RNLS: variants seen among roughly 807,000 people sequenced by gnomAD.
RNLS encodes the protein renalase.
In RNLS, 39 loss-of-function variants were observed where a neutral mutation model predicts 39.8. The ratio of observed to expected loss-of-function variants is 0.98; its 90% CI spans 0.76 to 1.28. The LOEUF (loss-of-function observed/expected upper bound fraction) is 1.28. Among genes scored for constraint, RNLS ranks in the 50% most tolerant of loss-of-function variants. RNLS has a pLI of 0.00. For missense variants in RNLS, 410 were observed against 413.3 expected (o/e 0.99, Z 0.07); for synonymous variants, 147 against 150.7 (o/e 0.98, Z 0.18).
chr10:88,558,763 G>A (rs1406282272), intron 4 of RNLS, among the ~76,000 whole-genome samples: 11 of 151,930 alleles, frequency 7.2e-5, no homozygotes, highest in Admixed American at 2.6e-4. Flanking sequence ...AGAGAATTAG[G>A]AAATAATAAA....
At chr10:88,529,870 C>G (rs999493577) in intron 4 of RNLS, among the ~76,000 whole-genome samples, 8 of 152,124 alleles carry the variant, frequency 5.3e-5, no homozygotes, top group Non-Finnish European at 1.2e-4. Context: ...AAATCACTTA[C>G]TTGTTTCTTC....
the RNLS span, among the ~76,000 whole-genome samples, chr10:88,199,396 G>T: frequency 2.6e-5 from 4 of 152,132 alleles, no homozygotes; most frequent in Non-Finnish European, 5.9e-5. Flanking sequence ...GTTGTTGGCC[G>T]TCTGTCCCAA....
intron 4 of RNLS, among the ~76,000 whole-genome samples, chr10:88,570,079 T>C (rs1483278142): frequency 6.6e-6 from 1 of 152,034 alleles, no homozygotes; most frequent in Non-Finnish European, 1.5e-5. Flanking sequence ...AGGAAAAATT[T>C]CCCAAATAAT....
chr10:88,272,636 G>C (rs1392443819), downstream of RNLS, among the ~76,000 whole-genome samples: 1 of 152,130 alleles, frequency 6.6e-6, no homozygotes, highest in Non-Finnish European at 1.5e-5. Context: ...TACAGCACAG[G>C]CTCTTGGTCA....
At chr10:88,380,679 C>T (rs775163639) in intron 4 of RNLS, among the ~76,000 whole-genome samples, 10 of 151,996 alleles carry the variant, frequency 6.6e-5, no homozygotes, top group African/African-American at 1.4e-4. Flanking sequence ...CCACTGTGCC[C>T]GGCCGGTTTT....
chr10:88,507,677 C>T (rs1484271618), intron 4 of RNLS, among the ~76,000 whole-genome samples: 5 of 152,080 alleles, frequency 3.3e-5, no homozygotes, highest in African/African-American at 4.8e-5. Flanking sequence ...AAAAGAGATA[C>T]AATACATTAT....
At chr10:88,250,814 C>T in the RNLS span, among the ~76,000 whole-genome samples, 1 of 152,184 alleles carries the variant, frequency 6.6e-6, no homozygotes, top group South Asian at 2.1e-4. Context: ...ACTTCAATAG[C>T]TTGAGATGTC....
chr10:88,311,573 G>A (rs1845385558), intron 6 of RNLS, among the ~76,000 whole-genome samples: 1 of 152,082 alleles, frequency 6.6e-6, no homozygotes, highest in Non-Finnish European at 1.5e-5. Context: ...TTCAAAAAAC[G>A]CCTTCTTTCT....
intron 4 of RNLS, among the ~76,000 whole-genome samples, chr10:88,393,728 T>C (rs911830273): frequency 2.0e-5 from 3 of 152,176 alleles, no homozygotes; most frequent in African/African-American, 7.2e-5. Flanking sequence ...AGAGCCTGCA[T>C]TGCCAAGTCA....
chr10:88,391,420 T>C (rs768313735), intron 4 of RNLS, among the ~76,000 whole-genome samples: 9 of 152,096 alleles, frequency 5.9e-5, no homozygotes, highest in Non-Finnish European at 8.8e-5. Context: ...TAGCCGGGCA[T>C]GGTGGTAGGC....
At chr10:88,387,520 A>G (rs1011592769) in intron 4 of RNLS, among the ~76,000 whole-genome samples, 9 of 151,838 alleles carry the variant, frequency 5.9e-5, no homozygotes, top group Admixed American at 4.6e-4. Flanking sequence ...AAAAAAAAAA[A>G]AAAAGGAAGA....
intron 5 of RNLS, among the ~76,000 whole-genome samples, chr10:88,353,553 T>G (rs1452730864): frequency 6.6e-6 from 1 of 152,260 alleles, no homozygotes; most frequent in Non-Finnish European, 1.5e-5. Context: ...AGTTCTTGTT[T>G]GATTGCACTG....
intron 4 of RNLS, among the ~76,000 whole-genome samples, chr10:88,537,822 A>T (rs918806813): frequency 2.0e-5 from 3 of 152,186 alleles, no homozygotes; most frequent in Non-Finnish European, 4.4e-5. Context: ...GTAAAAATTC[A>T]TCAAGATGTG....
In RNLS at chr10:88,537,551, A is replaced by C. The variant is rs112107857; in HGVS notation, c.526+35352T>G. Among the ~76,000 whole-genome samples, 689 of 152,338 alleles carry C rather than the reference A, an allele frequency of 4.5e-3. 4 individuals are homozygous for C. The highest frequency in any genetic ancestry group is 0.027 in the Middle Eastern group (8 of 294). On this transcript the variant is annotated intron_variant, in intron 4 of 6. Coordinates refer to ENST00000331772, the MANE Select transcript of RNLS (RefSeq NM_001031709.3). Reference sequence around the variant, plus strand: ...TGAACCATTTCTAACTACGTGTAACATTAAGAGATTACTCAGAAATAATGC... The same window carrying C: ...TGAACCATTTCTAACTACGTGTAACCTTAAGAGATTACTCAGAAATAATGC...
intron 6 of RNLS, among the ~76,000 whole-genome samples, chr10:88,305,874 C>G (rs777224526): frequency 1.3e-5 from 2 of 152,158 alleles, no homozygotes; most frequent in African/African-American, 4.8e-5. Flanking sequence ...ACAGACTATA[C>G]ATTCTTCTCA....
At chr10:88,510,384 A>AT (rs1248436994) in intron 4 of RNLS, among the ~76,000 whole-genome samples, 2 of 152,142 alleles carry the variant, frequency 1.3e-5, no homozygotes, top group East Asian at 3.9e-4. Context: ...TTAGCAAGAG[A>AT]TTTTTTAATA....
chr10:88,189,503 A>G, the RNLS span, among the ~76,000 whole-genome samples: 3 of 151,884 alleles, frequency 2.0e-5, no homozygotes, highest in African/African-American at 7.3e-5. Context: ...ATAATAAACA[A>G]AAAAAAATAA....
chr10:88,582,500 T>C (rs1335649130), intron 1 of RNLS, among the ~76,000 whole-genome samples, 193 bp from the exon 2 acceptor site: 1 of 152,220 alleles, frequency 6.6e-6, no homozygotes, highest in Admixed American at 6.5e-5. Context: ...AGCACCATTA[T>C]AGTGCATATA....
chr10:88,311,071 A>C (rs1845343105), intron 6 of RNLS, among the ~76,000 whole-genome samples: 1 of 152,158 alleles, frequency 6.6e-6, no homozygotes. Context: ...AAATAAAGTA[A>C]TCATGAGAGT....
Sources: allele counts gnomAD v4.1 joint callset (sites outside exome capture counted in the v4.1 genomes callset), GRCh38; gene constraint gnomAD v4.1.1; transcripts MANE v1.5; gene names NCBI Gene and HGNC (gene_info 2026-07-23, HGNC 2026-07-21).